Variants in SLC6A6 observed in about 807,000 individuals in gnomAD.
SLC6A6 encodes the protein solute carrier family 6 member 6.
A neutral mutation model predicts 68.8 loss-of-function variants in SLC6A6; 16 were observed. The observed-to-expected ratio is 0.23, with a 90% CI of 0.16 to 0.35. The LOEUF is 0.35. SLC6A6 is among the 10% of genes least tolerant of loss of function. The pLI, the probability that SLC6A6 is intolerant of heterozygous loss-of-function variation, is 1.00. For synonymous variants in SLC6A6, 312 were observed against 315.4 expected (o/e 0.99, Z 0.12); for missense variants, 474 against 802.8 (o/e 0.59, Z 4.95).
intron 2 of SLC6A6, among the ~76,000 whole-genome samples, chr3:14,435,759 G>A (rs184042112): frequency 3.3e-5 from 5 of 152,348 alleles, no homozygotes; most frequent in African/African-American, 1.2e-4. Flanking sequence ...GACCCAGGTG[G>A]TGGTTTAGAA....
Position 14,457,124 on chromosome 3 carries a change from A to G in SLC6A6, c.600-826A>G, listed in dbSNP as rs147053631. Among the ~76,000 whole-genome samples the G allele has an allele frequency of 3.9e-5, 6 of 152,272 alleles. No individual in the cohort carries two copies. The East Asian group carries it at 5.8e-4, about 15-fold the overall frequency. On this transcript the variant is annotated intron_variant, in intron 5 of 14. Coordinates refer to ENST00000622186, the MANE Select transcript of SLC6A6 (RefSeq NM_003043.6). ...GTAGGTACTTGTGTGCTTGTTTAGCAGGGCAGCAGGAATCAGCTCGGATTG... is the reference window on the plus strand; with the variant it reads ...GTAGGTACTTGTGTGCTTGTTTAGCGGGGCAGCAGGAATCAGCTCGGATTG...
chr3:14,460,694 C>A (rs1700474743), intron 6 of SLC6A6, among the ~76,000 whole-genome samples: 1 of 152,254 alleles, frequency 6.6e-6, no homozygotes, highest in Non-Finnish European at 1.5e-5. Flanking sequence ...AAGACGTGAT[C>A]TTCCACGGGT....
chr3:14,423,392 A>G (rs957309008), intron 2 of SLC6A6, among the ~76,000 whole-genome samples: 4 of 152,138 alleles, frequency 2.6e-5, no homozygotes, highest in South Asian at 2.1e-4. Flanking sequence ...AGCAACCACT[A>G]TACACCAGGC....
intron 5 of SLC6A6, among the ~76,000 whole-genome samples, chr3:14,449,345 T>C (rs1223338505): frequency 6.6e-6 from 1 of 152,242 alleles, no homozygotes; most frequent in Non-Finnish European, 1.5e-5. Flanking sequence ...AGCACAATCA[T>C]TGCCCCTCGG....
At chr3:14,479,062 A>G in intron 12 of SLC6A6, 23 bp from the exon 13 acceptor site, 2 of 1,525,896 alleles carry the variant, frequency 1.3e-6, no homozygotes, top group Non-Finnish European at 1.8e-6. Context: ...GTGTCAGAAA[A>G]TGTCCCCCTC....
intron 6 of SLC6A6, among the ~76,000 whole-genome samples, chr3:14,460,652 A>G (rs1186966651): frequency 6.6e-6 from 1 of 152,222 alleles, no homozygotes; most frequent in Non-Finnish European, 1.5e-5. Context: ...AAAGCCAGAG[A>G]GAGGGTGCCA....
At chr3:14,483,146 G>A (rs923807716) in intron 14 of SLC6A6, among the ~76,000 whole-genome samples, 1 of 152,152 alleles carries the variant, frequency 6.6e-6, no homozygotes, top group African/African-American at 2.4e-5. Context: ...TTAAAATATT[G>A]GTCCAGCCCA....
chr3:14,468,339 C>A lies in SLC6A6; in HGVS notation c.1096+127C>A. ...CGAGCCTGGTTTCTAAAATGGACCC[C>A]CCCCCCGCCACCAAGATATCCCCCA... On this transcript the variant is annotated intron_variant, in intron 9 of 14. Transcript: ENST00000622186. This position sits in a 1 kb window ranked among gnomAD's most constrained non-coding sequence, Gnocchi z 4.5. 1.4e-6 allele frequency: 1 copy of A among 735,748 alleles called. No individual in the cohort carries two copies. Among genetic ancestry groups the A allele is most frequent in the Non-Finnish European group, 2.1e-6 (1 of 479,732 alleles). The allele number at this position is 735,748 out of a possible 1,614,324, so 45.6% of individuals were successfully genotyped here. A position where few individuals can be genotyped will look rare whatever the true frequency, so the allele number is the denominator to read the frequency against.
At chr3:14,459,306 G>A (rs1700442090) in intron 6 of SLC6A6, among the ~76,000 whole-genome samples, 1 of 152,226 alleles carries the variant, frequency 6.6e-6, no homozygotes, top group African/African-American at 2.4e-5. Context: ...CAGTGGAATT[G>A]AGGGTTGAGG....
At chr3:14,418,102 C>T (rs1194356749) in intron 2 of SLC6A6, among the ~76,000 whole-genome samples, 1 of 152,176 alleles carries the variant, frequency 6.6e-6, no homozygotes, top group African/African-American at 2.4e-5. Flanking sequence ...CTCAGATCAT[C>T]CTCGTACTCG....
At chr3:14,416,958 C>T (rs927468983) in intron 2 of SLC6A6, among the ~76,000 whole-genome samples, 1 of 152,246 alleles carries the variant, frequency 6.6e-6, no homozygotes, top group Non-Finnish European at 1.5e-5. Flanking sequence ...GATCCTCCCA[C>T]CCCAGCCTCC....
chr3:14,443,931 C>A, intron 3 of SLC6A6, 68 bp downstream of exon 3: 3 of 1,143,564 alleles, frequency 2.6e-6, no homozygotes, highest in Non-Finnish European at 3.9e-6. Flanking sequence ...GAGGCTGGGA[C>A]CAGAGCGTGG....
In SLC6A6 at chr3:14,467,838, C is replaced by T. The variant is rs1700656080; in HGVS notation, c.868-15C>T. ...GCCCTCCTCTCTTTCCTTGCCACCT[C>T]CCTCCCCCTCATAGGTGTGGATTGA... On this transcript the variant is annotated splice_polypyrimidine_tract_variant and intron_variant, in intron 7 of 14. Coordinates refer to ENST00000622186, the MANE Select transcript of SLC6A6 (RefSeq NM_003043.6). The T allele has an allele frequency of 1.5e-5, 24 of 1,554,230 alleles. No homozygotes were observed. The highest frequency in any genetic ancestry group is 2.1e-5 in the Non-Finnish European group (24 of 1,132,934).
rs567661798 is a variant in SLC6A6 at position 14,468,340 on chromosome 3, C to T, written c.1096+128C>T. On this transcript the variant is annotated intron_variant, in intron 9 of 14. Coordinates refer to ENST00000622186, the MANE Select transcript of SLC6A6 (RefSeq NM_003043.6). This position sits in a 1 kb window ranked among gnomAD's most constrained non-coding sequence, Gnocchi z 4.5. ...GAGCCTGGTTTCTAAAATGGACCCC[C>T]CCCCCGCCACCAAGATATCCCCCAA... The T allele has an allele frequency of 1.4e-5, 10 of 728,562 alleles. No individual in the cohort carries two copies. The South Asian group carries it at 1.9e-4, about 14-fold the overall frequency. 45.1% of individuals were successfully genotyped at this position (728,562 alleles called of 1,614,324 possible).
chr3:14,403,286 CCT>C (rs1699030960), intron 1 of SLC6A6, among the ~76,000 whole-genome samples: 1 of 152,060 alleles, frequency 6.6e-6, no homozygotes. Context: ...TGTGTGTGTG[CCT>C]CTCTGTGTGT....
intron 3 of SLC6A6, chr3:14,444,589 G>T: frequency 1.0e-5 from 4 of 381,224 alleles, no homozygotes; most frequent in African/African-American, 2.1e-5. Context: ...GAAGAGAACC[G>T]GATAGGGAGG....
At chr3:14,440,074 T>C (rs1021561565) in intron 2 of SLC6A6, among the ~76,000 whole-genome samples, 5 of 152,160 alleles carry the variant, frequency 3.3e-5, no homozygotes, top group Non-Finnish European at 7.4e-5. Flanking sequence ...CAAGTCATAA[T>C]GTAGTTGCTG....
At chr3:14,470,113 T>G (rs1235171321) in intron 9 of SLC6A6, among the ~76,000 whole-genome samples, 1 of 151,906 alleles carries the variant, frequency 6.6e-6, no homozygotes, top group African/African-American at 2.4e-5. Context: ...TCTCCAGGAG[T>G]ATGGAGTGAA....
chr3:14,436,059 A>G (rs1559294099), intron 2 of SLC6A6, among the ~76,000 whole-genome samples: 1 of 152,240 alleles, frequency 6.6e-6, no homozygotes, highest in Non-Finnish European at 1.5e-5. Context: ...TACAGACCTC[A>G]TGATACAATT....
Sources: gnomAD v4.1 joint callset for allele counts (sites outside exome capture counted in the v4.1 genomes callset) on GRCh38, gnomAD v4.1.1 for gene constraint, Gnocchi (gnomAD v3.1) non-coding constraint, MANE v1.5 for transcripts, NCBI Gene and HGNC (gene_info 2026-07-23, HGNC 2026-07-21) for gene names.